MTMR3: variants seen among roughly 807,000 people sequenced by gnomAD.
MTMR3 encodes the protein phosphatidylinositol-3,5-bisphosphate 3-phosphatase MTMR3.
A neutral mutation model predicts 132.4 loss-of-function variants in MTMR3; 32 were observed. That is an observed-to-expected ratio of 0.24 (90% CI 0.18 to 0.32). The LOEUF is 0.32. Among genes scored for constraint, MTMR3 ranks in the 10% least tolerant of loss-of-function variants. The pLI is 1.00. For missense variants in MTMR3, 1,216 were observed against 1,489.6 expected, an observed-to-expected ratio of 0.82 and a Z score of 3.02; for synonymous variants, 556 against 550.3, an observed-to-expected ratio of 1.01 and a Z score of -0.14.
In MTMR3 at chr22:30,030,346, T is replaced by A. The variant is rs15888; in HGVS notation, c.*4545T>A. 31,039 of 87,422 alleles carry A rather than the reference T, an allele frequency of 0.36. 3,802 individuals carry two copies. Among genetic ancestry groups the A allele is most frequent in the South Asian group, 0.47 (1,166 of 2,466 alleles). 5.4% of individuals were successfully genotyped at this position (87,422 alleles called of 1,614,324 possible). ...CAGCTTCCCAACTAGCTTATAAGAT[T>A]TTTTTTTTTAATGAAAACATAACCC... On this transcript the variant is annotated 3_prime_UTR_variant, in exon 20 of 20. Coordinates refer to ENST00000401950, the MANE Select transcript of MTMR3 (RefSeq NM_021090.4).
chr22:30,023,552 T>G, intron 19 of MTMR3: 2 of 1,574,346 alleles, frequency 1.3e-6, no homozygotes, highest in African/African-American at 2.7e-5. Flanking sequence ...CTAACTCTTA[T>G]CATTTCCCCC....
intron 1 of MTMR3, among the ~76,000 whole-genome samples, chr22:29,886,036 T>C (rs775290996): frequency 9.9e-5 from 15 of 152,204 alleles, no homozygotes; most frequent in Non-Finnish European, 2.2e-4. Context: ...GCCTTGTCTG[T>C]TTTGTTCCCT....
intron 1 of MTMR3, among the ~76,000 whole-genome samples, chr22:29,910,372 A>C (rs899835995): frequency 1.3e-5 from 2 of 152,188 alleles, no homozygotes; most frequent in Non-Finnish European, 2.9e-5. Context: ...GGATCAGCAA[A>C]GATTTGGGGG....
intron 14 of MTMR3, 180 bp from the exon 15 acceptor site, chr22:30,016,348 G>A (rs1601427365): frequency 1.7e-6 from 1 of 600,704 alleles, no homozygotes; most frequent in East Asian, 2.9e-5. Flanking sequence ...TCAGGTTGTT[G>A]GGTCCTGGAA....
intron 1 of MTMR3, among the ~76,000 whole-genome samples, chr22:29,936,796 C>T (rs1384769546): frequency 1.3e-5 from 2 of 152,068 alleles, no homozygotes; most frequent in African/African-American, 4.8e-5. Context: ...TCTGTATTTT[C>T]TCATATTCCC....
chr22:30,018,084 G>T lies in MTMR3; in HGVS notation c.1820+12G>T. ...CCCCCCCTGAGCCGGTGAGCCCAGGGTGATGCCACAGGCCTGACAGCCTGT... is the reference window on the plus strand; with the variant it reads ...CCCCCCCTGAGCCGGTGAGCCCAGGTTGATGCCACAGGCCTGACAGCCTGT... On this transcript the variant is annotated intron_variant, in intron 16 of 19. Transcript: ENST00000401950. 1 of 1,593,830 alleles carries T rather than the reference G, an allele frequency of 6.3e-7. No homozygotes were observed. The highest frequency in any genetic ancestry group is 8.5e-7 in the Non-Finnish European group (1 of 1,172,748).
intron 1 of MTMR3, among the ~76,000 whole-genome samples, chr22:29,897,086 T>C (rs1374484457): frequency 6.6e-6 from 1 of 151,942 alleles, no homozygotes; most frequent in Non-Finnish European, 1.5e-5. Context: ...TTTCTTTTTT[T>C]TCTTTTTTTT....
intron 1 of MTMR3, among the ~76,000 whole-genome samples, chr22:29,927,411 A>G (rs1207712155): frequency 1.3e-5 from 2 of 152,226 alleles, no homozygotes; most frequent in Non-Finnish European, 2.9e-5. Context: ...GAAAGATTGC[A>G]TTGAATCTAT....
Position 30,018,065 on chromosome 22 carries a change from CT to C in MTMR3, c.1814del (p.Leu605ArgfsTer13). ...APGTSPDDPP[L>X]SRLPKTRSYD... ...AGGCACCAGCCCTGATGATCCCCCC[CT>C]GAGCCGGTGAGCCCAGGGTGATGCC... On this transcript the variant is annotated frameshift_variant, in exon 16 of 20. Coordinates refer to ENST00000401950, the MANE Select transcript of MTMR3 (RefSeq NM_021090.4). LOFTEE classifies it high-confidence loss of function. 1.2e-6 allele frequency: 2 copies of C among 1,607,508 alleles called. No individual in the cohort carries two copies. Among genetic ancestry groups the C allele is most frequent in the Non-Finnish European group, 1.7e-6 (2 of 1,177,906 alleles).
At chr22:29,976,741 C>T (rs1190433475) in intron 3 of MTMR3, among the ~76,000 whole-genome samples, 1 of 151,958 alleles carries the variant, frequency 6.6e-6, no homozygotes, top group Non-Finnish European at 1.5e-5. Context: ...TCGCAGGGCC[C>T]CTGTAAGCAT....
At chr22:29,993,075 C>G (rs1278742011) in intron 7 of MTMR3, 1 of 152,154 alleles carries the variant, frequency 6.6e-6, no homozygotes, top group South Asian at 2.1e-4. Flanking sequence ...GCTGTGGATA[C>G]AGAGTTTGAA....
Position 30,012,819 on chromosome 22 carries a change from A to C in MTMR3, c.1317+256A>C, listed in dbSNP as rs542436884. 4.4e-4 allele frequency: 151 copies of C among 340,956 alleles called. 1 individual carries two copies. The highest frequency in any genetic ancestry group is 3.0e-3 in the African/African-American group (140 of 47,296). The allele number at this position is 340,956 out of a possible 1,614,324, so 21.1% of individuals were successfully genotyped here. On this transcript the variant is annotated intron_variant, in intron 13 of 19. Transcript: ENST00000401950. Reference sequence around the variant, plus strand: ...TTCCTTTACAGTCTATCTACTTGTAAAAGTTTTTAGCTACCTCAGGAAAAT... The same window carrying C: ...TTCCTTTACAGTCTATCTACTTGTACAAGTTTTTAGCTACCTCAGGAAAAT...
chr22:29,946,133 T>G (rs1569018160), intron 1 of MTMR3, among the ~76,000 whole-genome samples: 1 of 152,068 alleles, frequency 6.6e-6, no homozygotes, highest in African/African-American at 2.4e-5. Flanking sequence ...AATGGAAAGA[T>G]GAGAATTAGG....
chr22:29,954,159 G>A (rs1446361401), intron 1 of MTMR3, among the ~76,000 whole-genome samples: 1 of 143,182 alleles, frequency 7.0e-6, no homozygotes, highest in African/African-American at 2.6e-5. Flanking sequence ...ATAGCTCGCT[G>A]CAACCTCGGA....
At chr22:29,992,600 T>G (rs2066986439) in intron 7 of MTMR3, 1 of 152,212 alleles carries the variant, frequency 6.6e-6, no homozygotes, top group Admixed American at 6.5e-5. Flanking sequence ...GTGTCAGGTT[T>G]CAAAGTGAAG....
intron 7 of MTMR3, chr22:29,998,283 CAG>C (rs2145920637): frequency 6.6e-6 from 1 of 152,446 alleles, no homozygotes; most frequent in South Asian, 2.1e-4. Flanking sequence ...CTTAACCTGA[CAG>C]GGATCTTTCT....
intron 1 of MTMR3, among the ~76,000 whole-genome samples, chr22:29,903,789 A>T (rs2065045047): frequency 1.3e-5 from 2 of 152,144 alleles, no homozygotes; most frequent in South Asian, 4.1e-4. Context: ...AGAACTACAG[A>T]GCTTTTCTCA....
intron 5 of MTMR3, chr22:29,984,019 A>ATGT (rs1416141616): frequency 6.6e-6 from 1 of 151,168 alleles, no homozygotes; most frequent in African/African-American, 2.4e-5. Flanking sequence ...GGGTTTCACC[A>ATGT]TGTTGCCCAG....
intron 1 of MTMR3, among the ~76,000 whole-genome samples, chr22:29,955,639 G>T (rs1450207934): frequency 6.6e-6 from 1 of 152,160 alleles, no homozygotes; most frequent in Non-Finnish European, 1.5e-5. Flanking sequence ...AAACATAAAA[G>T]TTATTGGGGA....
Sources: gnomAD v4.1 joint callset for allele counts (sites outside exome capture counted in the v4.1 genomes callset) on GRCh38, gnomAD v4.1.1 for gene constraint, MANE v1.5 for transcripts, NCBI Gene and HGNC (gene_info 2026-07-23, HGNC 2026-07-21) for gene names.